The following PC variants were observed in gnomAD, a reference collection of about 807,000 sequenced individuals.
PC encodes pyruvate carboxylase, also known as pyruvate carboxylase, mitochondrial.
A neutral mutation model predicts 107.8 loss-of-function variants in PC; 46 were observed. The ratio of observed to expected loss-of-function variants is 0.43; its 90% CI spans 0.34 to 0.55. The LOEUF (loss-of-function observed/expected upper bound fraction) is 0.55. PC is among the 20% of genes least tolerant of loss of function. The pLI is 0.04. For missense variants in PC, 1,241 were observed against 1,643.1 expected (o/e 0.76, Z 4.23); for synonymous variants, 662 against 684.7 (o/e 0.97, Z 0.52).
intron 3 of PC, among the ~76,000 whole-genome samples, chr11:66,893,111 G>A (rs1387374218): frequency 6.6e-6 from 1 of 152,180 alleles, no homozygotes; most frequent in Admixed American, 6.5e-5. Context: ...CTGCTGTCCA[G>A]CTGCACCGTG....
intron 3 of PC, among the ~76,000 whole-genome samples, chr11:66,906,060 G>A (rs565538697): frequency 1.3e-5 from 2 of 152,198 alleles, no homozygotes; most frequent in East Asian, 1.9e-4. Flanking sequence ...GTGGGCGGGC[G>A]GGGAGCCTGC....
Position 66,898,133 on chromosome 11 carries a change from T to C in PC, c.1-25974A>G, listed in dbSNP as rs1489456503. Among the ~76,000 whole-genome samples, 3 of 152,164 alleles carry C rather than the reference T, an allele frequency of 2.0e-5. No homozygotes were observed. In the East Asian group the frequency reaches 5.8e-4, roughly 29 times the overall value. Reference sequence around the variant, plus strand: ...AATTGGAATTAAGATTAAACTGGAATTAAGATTTTCTTCTGGAGCTGGGGT... The same window carrying C: ...AATTGGAATTAAGATTAAACTGGAACTAAGATTTTCTTCTGGAGCTGGGGT... On this transcript the variant is annotated intron_variant, in intron 3 of 22. Coordinates refer to ENST00000393960, the MANE Select transcript of PC (RefSeq NM_001040716.2).
chr11:66,854,456 T>C (rs1208646242), intron 12 of PC, among the ~76,000 whole-genome samples: 4 of 152,128 alleles, frequency 2.6e-5, no homozygotes, highest in African/African-American at 4.8e-5. Context: ...GCCTGAGGCA[T>C]GTGTCAGTGC....
rs2135816771 is a variant in PC, at chr11:66,852,774, C to T, written c.1576G>A (p.Asp526Asn). The T allele has an allele frequency of 6.2e-7, 1 of 1,603,794 alleles. No homozygotes were observed. The highest frequency in any genetic ancestry group is 1.1e-5 in the South Asian group (1 of 90,340). The change falls in exon 14 of 23, where the codon GAC becomes AAC. Residue 526 changes from aspartate (D) to asparagine (N), a missense_variant. Asp to Asn is a conservative substitution (Grantham distance 23). Transcript: ENST00000393960. The surrounding 1 kb of genome is among the most constrained non-coding windows in gnomAD (Gnocchi z 4.7). ...IPVKASPSPT[D>N]PVVPAVPIGP... Reference sequence around the variant, plus strand: ...ATGGGCACTGCAGGGACAACGGGGTCCGTGGGGCTGGGGCTGGCCTTGACG... The same window carrying T: ...ATGGGCACTGCAGGGACAACGGGGTTCGTGGGGCTGGGGCTGGCCTTGACG...
chr11:66,868,486 C>T (rs1946591262), intron 10 of PC, among the ~76,000 whole-genome samples: 1 of 152,210 alleles, frequency 6.6e-6, no homozygotes, highest in South Asian at 2.1e-4. Flanking sequence ...CCAAAGACAG[C>T]CGGAGATGCC....
intron 3 of PC, among the ~76,000 whole-genome samples, chr11:66,899,524 G>GC (rs1555037566): frequency 1.3e-5 from 2 of 151,314 alleles, no homozygotes; most frequent in East Asian, 2.0e-4. Flanking sequence ...CAAGTAGCTA[G>GC]TTTTTTTTTC....
At chr11:66,894,876 G>A (rs544438220) in intron 3 of PC, among the ~76,000 whole-genome samples, 10 of 152,196 alleles carry the variant, frequency 6.6e-5, no homozygotes, top group African/African-American at 2.4e-4. Flanking sequence ...ACAAAAATCA[G>A]TTGGGCGTGG....
intron 3 of PC, among the ~76,000 whole-genome samples, chr11:66,908,549 GGT>G (rs1333777954): frequency 6.6e-6 from 1 of 152,140 alleles, no homozygotes; most frequent in Admixed American, 6.5e-5. Context: ...CCACCTACTG[GGT>G]ACCACCCCAC....
rs1035327934 is a variant in PC at position 66,850,815 on chromosome 11, C to T, written c.2332G>A (p.Ala778Thr). 1.1e-5 allele frequency: 18 copies of T among 1,612,014 alleles called. No individual in the cohort carries two copies. The highest frequency in any genetic ancestry group is 1.4e-5 in the Non-Finnish European group (17 of 1,180,034). The change falls in exon 18 of 23, where the codon GCA (alanine) becomes ACA (threonine). Residue 778 changes from alanine (A) to threonine (T), a missense_variant. Coordinates refer to ENST00000393960, the MANE Select transcript of PC (RefSeq NM_001040716.2). ...LHIHTHDTSG[A>T]GVAAMLACAQ... ...CAGGCCAGCATGGCTGCCACGCCTGCCCCTGACGTGTCGTGGGTGTGGATG... is the reference window on the plus strand; with the variant it reads ...CAGGCCAGCATGGCTGCCACGCCTGTCCCTGACGTGTCGTGGGTGTGGATG...
At chr11:66,935,127 G>A (rs936253076) in intron 3 of PC, among the ~76,000 whole-genome samples, 1 of 152,250 alleles carries the variant, frequency 6.6e-6, no homozygotes, top group Non-Finnish European at 1.5e-5. Flanking sequence ...GCATAGCACA[G>A]ATGCACAGTA....
intron 3 of PC, among the ~76,000 whole-genome samples, chr11:66,903,656 G>A (rs1218989671): frequency 1.0e-4 from 15 of 145,502 alleles, no homozygotes; most frequent in Non-Finnish European, 1.8e-4. Flanking sequence ...GCTGAGGCAG[G>A]AGAATCACTT....
At position 66,855,265 on chromosome 11, in the gene PC, G is replaced by A. The variant is rs116806401; in HGVS notation, c.1369-1882C>T. On this transcript the variant is annotated intron_variant, in intron 12 of 22. Transcript: ENST00000393960. ...GGCCCATCTGGTTCCTGATGAACCC[G>A]GCTCCCAGCACTGGGTGGCCATGGT... Among the ~76,000 whole-genome samples the A allele has an allele frequency of 9.2e-3, 1,403 of 152,288 alleles. 27 individuals carry two copies. Among genetic ancestry groups the A allele is most frequent in the African/African-American group, 0.031 (1,294 of 41,564 alleles).
chr11:66,849,937 C>G lies in PC; in HGVS notation c.2898G>C (p.Lys966Asn). 3 of 1,613,620 alleles carry G rather than the reference C, an allele frequency of 1.9e-6. No homozygotes were observed. The highest frequency in any genetic ancestry group is 1.3e-5 in the African/African-American group (1 of 75,076). Residue 966 changes from lysine to asparagine, a missense_variant and splice_region_variant, in exon 20 of 23, where the codon AAG becomes AAC. Physicochemically the swap from Lys to Asn is moderately conservative, Grantham distance 94. Coordinates refer to ENST00000393960, the MANE Select transcript of PC (RefSeq NM_001040716.2). ...TCACACCATGCTGGGCCTTCCCTAC[C>G]TTAGAGCGAAAGGGTTCGGGGAACC... ...HGGFPEPFRS[K>N]VLKDLPRVEG... is the part of the protein sequence containing the mutation.
intron 3 of PC, among the ~76,000 whole-genome samples, chr11:66,880,573 C>T (rs556057880): frequency 6.3e-4 from 96 of 152,324 alleles, no homozygotes; most frequent in African/African-American, 2.3e-3. Flanking sequence ...TCAGGCTGTA[C>T]GAAACCAAGC....
rs1945898347 is a variant in PC, at chr11:66,857,086, G to A, written c.1369-3703C>T. 6.8e-6 allele frequency: 1 copy of A among 147,384 alleles called. No individual in the cohort carries two copies. Among genetic ancestry groups the A allele is most frequent in the African/African-American group, 2.4e-5 (1 of 40,922 alleles). The allele number at this position is 147,384 out of a possible 1,614,324, so 9.1% of individuals were successfully genotyped here. On this transcript the variant is annotated intron_variant, in intron 12 of 22. Coordinates refer to ENST00000393960, the MANE Select transcript of PC (RefSeq NM_001040716.2). This position sits in a 1 kb window ranked among gnomAD's most constrained non-coding sequence, Gnocchi z 7.1. ...CCCGCCGGCGCGCACCCGCTCGCCT[G>A]TCGCCGCCGCCACCGCTAACCGCGC...
At chr11:66,883,122 GCTC>G (rs1383741691) in intron 3 of PC, among the ~76,000 whole-genome samples, 4 of 152,334 alleles carry the variant, frequency 2.6e-5, no homozygotes, top group African/African-American at 7.2e-5. Context: ...TGCCAGCAGG[GCTC>G]CTCATCGCCC....
At chr11:66,886,253 G>C (rs1485146858) in intron 3 of PC, among the ~76,000 whole-genome samples, 14 of 150,100 alleles carry the variant, frequency 9.3e-5, no homozygotes, top group Admixed American at 8.5e-4. Flanking sequence ...GGGGCGGCTG[G>C]AGCAAAGGCA....
Position 66,928,628 on chromosome 11 carries a change from C to T in PC, c.-1+23802G>A, listed in dbSNP as rs186122903. Among the ~76,000 whole-genome samples, 360 of 152,170 alleles carry T rather than the reference C, an allele frequency of 2.4e-3. 1 individual carries two copies. Among genetic ancestry groups the T allele is most frequent in the Middle Eastern group, 0.017 (5 of 294 alleles). ...GCAACCTCCGCCTCCCAGGTTCAAGCGATTCTCTGGTCTCAGCCTCCTGAG... is the reference window on the plus strand; with the variant it reads ...GCAACCTCCGCCTCCCAGGTTCAAGTGATTCTCTGGTCTCAGCCTCCTGAG... On this transcript the variant is annotated intron_variant, in intron 3 of 22. Transcript: ENST00000393960.
At position 66,852,633 on chromosome 11, in the gene PC, A is replaced by T; in HGVS notation, c.1631T>A (p.Ile544Asn). The change falls in exon 15 of 23, where the codon ATC (isoleucine) becomes AAC (asparagine). Residue 544 changes from isoleucine (I) to asparagine (N), a missense_variant. Coordinates refer to ENST00000393960, the MANE Select transcript of PC (RefSeq NM_001040716.2). This position sits in a 1 kb window ranked among gnomAD's most constrained non-coding sequence, Gnocchi z 4.7. ...IGPPPAGFRD[I>N]LLREGPEGFA... The stretch of plus-strand genomic sequence containing the variant: ...GCCCTCAGGCCCCTCTCGCAGCAGG[A>T]TGTCTCTGAAACCAGCCGGGGGCGG... 1.9e-6 allele frequency: 3 copies of T among 1,613,796 alleles called. No individual in the cohort carries two copies. Among genetic ancestry groups the T allele is most frequent in the Non-Finnish European group, 2.5e-6 (3 of 1,179,798 alleles).
Sources: gnomAD v4.1 joint callset for allele counts (sites outside exome capture counted in the v4.1 genomes callset) on GRCh38, gnomAD v4.1.1 for gene constraint, Gnocchi (gnomAD v3.1) non-coding constraint, MANE v1.5 for transcripts, NCBI Gene and HGNC (gene_info 2026-07-23, HGNC 2026-07-21) for gene names.